Variants in MCAT observed in about 807,000 individuals in gnomAD.
MCAT encodes the protein malonyl-CoA-acyl carrier protein transacylase.
A neutral mutation model predicts 22.9 loss-of-function variants in MCAT; 22 were observed. That is an observed-to-expected ratio of 0.96 (90% CI 0.69 to 1.37). The LOEUF (loss-of-function observed/expected upper bound fraction) is 1.37, where lower values mean the gene tolerates loss of function less well. Ranked by LOEUF, MCAT falls within the 40% of genes most tolerant of loss-of-function variation. The pLI is 0.00. For synonymous variants in MCAT, 240 were observed against 233.9 expected (o/e 1.03, Z -0.24); for missense variants, 534 against 533.6 (o/e 1.00, Z -0.01).
Position 43,143,050 on chromosome 22 carries a change from T to C in MCAT, c.299A>G (p.Tyr100Cys). 7 of 1,610,598 alleles carry C rather than the reference T, an allele frequency of 4.3e-6. No individual in the cohort carries two copies. The highest frequency in any genetic ancestry group is 5.9e-6 in the Non-Finnish European group (7 of 1,179,308). The change falls in exon 1 of 4, where the codon TAC (tyrosine) becomes TGC (cysteine). Residue 100 changes from tyrosine (Y) to cysteine (C), a missense_variant. By Grantham distance (194) the Tyr-to-Cys change is radical (BLOSUM62 -2). Transcript: ENST00000290429. Reference protein sequence around the residue: ...LYAAARRVLGYDLLELSLHGP... With the variant: ...LYAAARRVLGCDLLELSLHGP... ...GTGCAGGCTCAGTTCCAGCAGGTCG[T>C]AGCCCAGCACGCGGCGGGCGGCGGC...
chr22:43,132,917 A>T lies in MCAT; in HGVS notation c.*126T>A, dbSNP rs1930486910. ...GGGCTTTTTATGTGGCCTTCAAAGC[A>T]CGTTGCAAACAAATCCCTTTCACTC... is the stretch of plus-strand genomic sequence containing the variant. On this transcript the variant is annotated 3_prime_UTR_variant, in exon 4 of 4. Coordinates refer to ENST00000290429, the MANE Select transcript of MCAT (RefSeq NM_173467.5). The T allele has an allele frequency of 2.5e-6, 2 of 809,556 alleles. No homozygotes were observed. The highest frequency in any genetic ancestry group is 2.6e-5 in the Admixed American group (1 of 38,372). 50.1% of individuals were successfully genotyped at this position (809,556 alleles called of 1,614,324 possible).
chr22:43,138,748 C>T (rs929649199), intron 2 of MCAT, among the ~76,000 whole-genome samples: 3 of 152,030 alleles, frequency 2.0e-5, no homozygotes, highest in Admixed American at 1.3e-4. Flanking sequence ...AAAATCCCTA[C>T]AAAGCCACAC....
intron 1 of MCAT, among the ~76,000 whole-genome samples, chr22:43,142,553 G>A (rs572574533): frequency 2.0e-5 from 3 of 152,164 alleles, no homozygotes; most frequent in Admixed American, 6.5e-5. Context: ...TTGGGAGGCC[G>A]AGGCGGGCAG....
At position 43,133,604 on chromosome 22, in the gene MCAT, G is replaced by A. The variant is rs920729400; in HGVS notation, c.730-118C>T. On this transcript the variant is annotated intron_variant, in intron 3 of 3. Transcript: ENST00000290429. Reference sequence around the variant, plus strand: ...ACAAAGAGACCCACAGCTGCTAGATGTGGACATGTGACCTGTCTGTCCCAG... The same window carrying A: ...ACAAAGAGACCCACAGCTGCTAGATATGGACATGTGACCTGTCTGTCCCAG... 26 of 697,872 alleles carry A rather than the reference G, an allele frequency of 3.7e-5. No homozygotes were observed. The Admixed American group carries it at 7.2e-4, about 19-fold the overall frequency. The allele number at this position is 697,872 out of a possible 1,614,324, so 43.2% of individuals were successfully genotyped here.
At chr22:43,137,436 C>A in intron 2 of MCAT, 138 bp from the exon 3 acceptor site, 1 of 651,712 alleles carries the variant, frequency 1.5e-6, no homozygotes, top group South Asian at 1.9e-5. Context: ...AGCAGGGCCA[C>A]AGTTCCACAC....
intron 2 of MCAT, 70 bp downstream of exon 2, chr22:43,141,092 T>C (rs769999081): frequency 8.7e-6 from 11 of 1,257,336 alleles, no homozygotes; most frequent in African/African-American, 2.9e-5. Flanking sequence ...AGTATCATTT[T>C]TGGCAGTGTC....
Position 43,132,806 on chromosome 22 carries a change from C to T in MCAT, c.*237G>A. 1 of 539,942 alleles carries T rather than the reference C, an allele frequency of 1.9e-6. No individual in the cohort carries two copies. The highest frequency in any genetic ancestry group is 3.3e-6 in the Non-Finnish European group (1 of 299,582). 33.4% of individuals were successfully genotyped at this position (539,942 alleles called of 1,614,324 possible). On this transcript the variant is annotated 3_prime_UTR_variant, in exon 4 of 4. Transcript: ENST00000290429. ...GGATTCTAGCTTCCCCACACACCAGCCCTGTGGCATCATTCTTCCCAACGT... is the reference window on the plus strand; with the variant it reads ...GGATTCTAGCTTCCCCACACACCAGTCCTGTGGCATCATTCTTCCCAACGT...
chr22:43,137,968 G>A (rs920005078), intron 2 of MCAT, among the ~76,000 whole-genome samples: 4 of 152,126 alleles, frequency 2.6e-5, no homozygotes, highest in Admixed American at 1.3e-4. Flanking sequence ...GCTTATGCCT[G>A]TAATCCCAGC....
intron 3 of MCAT, among the ~76,000 whole-genome samples, chr22:43,136,806 A>G (rs556978023): frequency 6.6e-6 from 1 of 152,336 alleles, no homozygotes; most frequent in South Asian, 2.1e-4. Flanking sequence ...TACTACGGGA[A>G]GGGCCCTGGA....
At position 43,142,956 on chromosome 22, in the gene MCAT, AG is replaced by A. The variant is rs1315620621; in HGVS notation, c.392del (p.Ala131ValfsTer12). On this transcript the variant is annotated frameshift_variant, in exon 1 of 4. Transcript: ENST00000290429. LOFTEE classifies it high-confidence loss of function. The part of the protein sequence containing the change: ...QPAIFVASLA[A>X]VEKLHHLQPS... ...GCTGCAGGTGATGTAGTTTCTCGAC[AG>A]CGGCCAGCGATGCCACGAAGATCGC... 1 of 1,591,852 alleles carries A rather than the reference AG, an allele frequency of 6.3e-7. No individual in the cohort carries two copies. The highest frequency in any genetic ancestry group is 2.3e-5 in the East Asian group (1 of 43,046).
chr22:43,137,131 C>G lies in MCAT; in HGVS notation c.679G>C (p.Val227Leu), dbSNP rs141635802. The G allele has an allele frequency of 6.2e-7, 1 of 1,614,072 alleles. No individual in the cohort carries two copies. Among genetic ancestry groups the G allele is most frequent in the Non-Finnish European group, 8.5e-7 (1 of 1,180,050 alleles). ...SLGIENPVCE[V>L]SNYLFPDCRV... ...CAATCTGGAAAGAGGTAGTTGGACA[C>G]TTCACATACGGGGTTCTCTATGCCT... Residue 227 changes from valine to leucine, a missense_variant, in exon 3 of 4, where the codon GTG becomes CTG. Transcript: ENST00000290429.
intron 1 of MCAT, among the ~76,000 whole-genome samples, chr22:43,142,600 C>G (rs1225072794): frequency 6.6e-6 from 1 of 151,676 alleles, no homozygotes; most frequent in Non-Finnish European, 1.5e-5. Context: ...TCCTGACTAA[C>G]ACGATGAAAC....
rs542760423 is a variant in MCAT, at chr22:43,136,351, C to T, written c.729+730G>A. Among the ~76,000 whole-genome samples the T allele has an allele frequency of 3.9e-5, 6 of 152,384 alleles. No homozygotes were observed. In the South Asian group the frequency reaches 6.2e-4, roughly 16 times the overall value. On this transcript the variant is annotated intron_variant, in intron 3 of 3. Transcript: ENST00000290429. The stretch of plus-strand genomic sequence containing the variant: ...CTGGCCCGGGCAGCAGCCCCTCACA[C>T]GGGCTGCAATCTGCGCTCACTCAGC...
At position 43,143,198 on chromosome 22, in the gene MCAT, AG is replaced by A; in HGVS notation, c.150del (p.Trp51GlyfsTer55). The A allele has an allele frequency of 6.5e-7, 1 of 1,540,656 alleles. No individual in the cohort carries two copies. The highest frequency in any genetic ancestry group is 8.7e-7 in the Non-Finnish European group (1 of 1,153,600). On this transcript the variant is annotated frameshift_variant, in exon 1 of 4. Coordinates refer to ENST00000290429, the MANE Select transcript of MCAT (RefSeq NM_173467.5). LOFTEE classifies it high-confidence loss of function. ...GGCATTCGCCGCTCCGTCGCCGCCC[AG>A]GGCGCCTCCTCCTCCGCCCCGGTCG... ...RDATGAEEEA[P>X]WAATERRMPG...
rs1930825475 is a variant in MCAT, at chr22:43,143,065, C to G, written c.284G>C (p.Arg95Pro). ...CAGCAGGTCGTAGCCCAGCACGCGG[C>G]GGGCGGCGGCGTAGAGTTCGCGGAC... Reference protein sequence around the residue: ...PRVRELYAAARRVLGYDLLEL... With the variant: ...PRVRELYAAAPRVLGYDLLEL... The change falls in exon 1 of 4, where the codon CGC becomes CCC. Residue 95 changes from arginine (R) to proline (P), a missense_variant. Transcript: ENST00000290429. 1.2e-5 allele frequency: 19 copies of G among 1,609,122 alleles called. No individual in the cohort carries two copies. The highest frequency in any genetic ancestry group is 2.7e-5 in the African/African-American group (2 of 74,994).
In MCAT at chr22:43,132,310, G is replaced by A. The variant is rs528696061; in HGVS notation, c.*733C>T. On this transcript the variant is annotated 3_prime_UTR_variant, in exon 4 of 4. Transcript: ENST00000290429. ...GCAGGTATGTGCTGTGCTCCCTCTGGCGCCCCGCAGACCCGCAGTCCCAGT... is the reference window on the plus strand; with the variant it reads ...GCAGGTATGTGCTGTGCTCCCTCTGACGCCCCGCAGACCCGCAGTCCCAGT... 6.6e-6 allele frequency: 1 copy of A among 152,242 alleles called. No individual in the cohort carries two copies. Among genetic ancestry groups the A allele is most frequent in the Non-Finnish European group, 1.5e-5 (1 of 68,098 alleles). The allele number at this position is 152,242 out of a possible 1,614,324, so 9.4% of individuals were successfully genotyped here. A position where few individuals can be genotyped will look rare whatever the true frequency, so the allele number is the denominator to read the frequency against.
Position 43,133,051 on chromosome 22 carries a change from G to A in MCAT, c.1165C>T (p.Pro389Ser). 1.9e-6 allele frequency: 3 copies of A among 1,613,162 alleles called. No individual in the cohort carries two copies. Among genetic ancestry groups the A allele is most frequent in the Non-Finnish European group, 2.5e-6 (3 of 1,179,288 alleles). ...EHVDLDPQEP[P>S]R ...ATTTGAGCCCCCTGCAGTCATCTCG[G>A]GGGCTCCTGAGGGTCCAGGTCCACA... Residue 389 changes from proline to serine, a missense_variant, in exon 4 of 4, where the codon CCG (proline) becomes TCG (serine). Physicochemically the swap from Pro to Ser is moderately conservative, Grantham distance 74. Coordinates refer to ENST00000290429, the MANE Select transcript of MCAT (RefSeq NM_173467.5).
At position 43,143,287 on chromosome 22, in the gene MCAT, C is replaced by T; in HGVS notation, c.62G>A (p.Gly21Asp). The change falls in exon 1 of 4, where the codon GGC becomes GAC. Residue 21 changes from glycine to aspartate, a missense_variant. By Grantham distance (94) the Gly-to-Asp change is moderately conservative. Coordinates refer to ENST00000290429, the MANE Select transcript of MCAT (RefSeq NM_173467.5). ...CGGAGGCACCGGGAAGCTCGAGGCG[C>T]CGCGGCGGTAGCTGGCGCCCAAGCC... The part of the protein sequence containing the change: ...VRGLGASYRR[G>D]ASSFPVPPPG... 2 of 1,430,988 alleles carry T rather than the reference C, an allele frequency of 1.4e-6. No homozygotes were observed. Among genetic ancestry groups the T allele is most frequent in the African/African-American group, 1.5e-5 (1 of 66,478 alleles). The allele number at this position is 1,430,988 out of a possible 1,614,324, so 88.6% of individuals were successfully genotyped here.
chr22:43,137,581 G>T lies in MCAT; in HGVS notation c.512-283C>A, dbSNP rs529983419. 1.8e-4 allele frequency among the ~76,000 whole-genome samples: 27 copies of T among 152,324 alleles called. 1 individual carries two copies. In the South Asian group the frequency reaches 5.6e-3, roughly 32 times the overall value. On this transcript the variant is annotated intron_variant, in intron 2 of 3. Transcript: ENST00000290429. Reference sequence around the variant, plus strand: ...AGTGGTGCTCAACAGGCCGGGGGCAGTGTCCGGAGACGTTTTCCGGTTGTT... The same window carrying T: ...AGTGGTGCTCAACAGGCCGGGGGCATTGTCCGGAGACGTTTTCCGGTTGTT...
Sources: gnomAD v4.1 joint callset for allele counts (sites outside exome capture counted in the v4.1 genomes callset) on GRCh38, gnomAD v4.1.1 for gene constraint, MANE v1.5 for transcripts, NCBI Gene and HGNC (gene_info 2026-07-23, HGNC 2026-07-21) for gene names.